KRTAP19-3: variants seen among roughly 807,000 people sequenced by gnomAD.
KRTAP19-3 encodes the protein keratin associated protein 19-3.
For synonymous variants in KRTAP19-3, 37 were observed against 41.9 expected (o/e 0.88, Z 0.45); for missense variants, 106 against 101.6 (o/e 1.04, Z -0.19).
rs749248768 is a variant in KRTAP19-3 at position 30,491,759 on chromosome 21, A to G, written c.199T>C (p.Tyr67His). The change falls in exon 1 of 1, where the codon TAC becomes CAC. Residue 67 changes from tyrosine to histidine, a missense_variant. Physicochemically the swap from Tyr to His is moderately conservative, Grantham distance 83. Transcript: ENST00000334063. ...SGFGGYGYGC[Y>H]RPSYYGGYGF... The stretch of plus-strand genomic sequence containing the variant: ...TATCCTCCATAGTATGATGGGCGGT[A>G]GCAGCCATATCCGTAGCCTCCGAAG... 33 of 1,614,170 alleles carry G rather than the reference A, an allele frequency of 2.0e-5. No homozygotes were observed. In the East Asian group the frequency reaches 6.5e-4, roughly 32 times the overall value.
In KRTAP19-3 at chr21:30,491,837, A is replaced by G; in HGVS notation, c.121T>C (p.Tyr41His). 4 of 1,614,154 alleles carry G rather than the reference A, an allele frequency of 2.5e-6. No homozygotes were observed. Among genetic ancestry groups the G allele is most frequent in the Non-Finnish European group, 3.4e-6 (4 of 1,180,040 alleles). ...CCAGAGCCATATCCGTAGCCTCCAT[A>G]GCCACAGCCAGAACCCAGTCTGCGG... ...SFRRLGSGCG[Y>H]GGYGYGSGFG... The change falls in exon 1 of 1, where the codon TAT becomes CAT. Residue 41 changes from tyrosine to histidine, a missense_variant. Coordinates refer to ENST00000334063, the MANE Select transcript of KRTAP19-3 (RefSeq NM_181609.4).
chr21:30,491,874 T>TCCACAG lies in KRTAP19-3; in HGVS notation c.78_83dup (p.Cys29_Gly30dup). On this transcript the variant is annotated inframe_insertion, in exon 1 of 1. Transcript: ENST00000334063. ...AACCCAGTCTGCGGAAGCTGCCACATCCACAGCCATAGCCATAGCCCAGGC... is the reference window on the plus strand; with the variant it reads ...AACCCAGTCTGCGGAAGCTGCCACATCCACAGCCACAGCCATAGCCATAGCCCAGGC... The TCCACAG allele has an allele frequency of 6.2e-7, 1 of 1,614,078 alleles. No individual in the cohort carries two copies. Among genetic ancestry groups the TCCACAG allele is most frequent in the Non-Finnish European group, 8.5e-7 (1 of 1,180,014 alleles).
rs1985977535 is a variant in KRTAP19-3, at chr21:30,491,743, T to C, written c.215A>G (p.Tyr72Cys). Residue 72 changes from tyrosine (Y) to cysteine (C), a missense_variant, in exon 1 of 1, where the codon TAT (tyrosine) becomes TGT (cysteine). Physicochemically the swap from Tyr to Cys is radical, Grantham distance 194 (BLOSUM62 -2). Coordinates refer to ENST00000334063, the MANE Select transcript of KRTAP19-3 (RefSeq NM_181609.4). ...GAATCCAGAGAATCCATATCCTCCA[T>C]AGTATGATGGGCGGTAGCAGCCATA... is the stretch of plus-strand genomic sequence containing the variant. ...YGYGCYRPSY[Y>C]GGYGFSGFY 1 of 1,614,020 alleles carries C rather than the reference T, an allele frequency of 6.2e-7. No individual in the cohort carries two copies. The highest frequency in any genetic ancestry group is 1.3e-5 in the African/African-American group (1 of 74,908).
Position 30,491,979 on chromosome 21 carries a change from G to T in KRTAP19-3, c.-22C>A. 6.2e-7 allele frequency: 1 copy of T among 1,613,714 alleles called. No individual in the cohort carries two copies. The highest frequency in any genetic ancestry group is 8.5e-7 in the Non-Finnish European group (1 of 1,179,662). ...TCATGGTGTCAGGGGTAGTGAGTTT[G>T]GTTTGCTGCTCAAGGCAAGGTCCTG... On this transcript the variant is annotated 5_prime_UTR_variant, in exon 1 of 1. Transcript: ENST00000334063.
the KRTAP19-3 span, chr21:30,491,796 TC>T: frequency 1.5e-3 from 2,400 of 1,613,912 alleles, 1 homozygote; most frequent in Non-Finnish European, 1.7e-3. Flanking sequence ...CAGAGCCATA[TC>T]CATAGCCTCC....
chr21:30,491,639 T>C lies in KRTAP19-3; in HGVS notation c.*73A>G, dbSNP rs1985974042. ...GCAAATAGCTCCAGCATGATCTTTG[T>C]TGTCCAATGATTGAAGTCAGCTCTG... is the stretch of plus-strand genomic sequence containing the variant. On this transcript the variant is annotated 3_prime_UTR_variant, in exon 1 of 1. Coordinates refer to ENST00000334063, the MANE Select transcript of KRTAP19-3 (RefSeq NM_181609.4). The C allele has an allele frequency of 6.3e-7, 1 of 1,597,436 alleles. No individual in the cohort carries two copies. Among genetic ancestry groups the C allele is most frequent in the Non-Finnish European group, 8.5e-7 (1 of 1,169,598 alleles).
chr21:30,491,664 G>A lies in KRTAP19-3; in HGVS notation c.*48C>T, dbSNP rs2123491067. 1.2e-6 allele frequency: 2 copies of A among 1,609,692 alleles called. No homozygotes were observed. The highest frequency in any genetic ancestry group is 8.5e-7 in the Non-Finnish European group (1 of 1,176,488). On this transcript the variant is annotated 3_prime_UTR_variant, in exon 1 of 1. Transcript: ENST00000334063. ...TTGTCCAATGATTGAAGTCAGCTCT[G>A]GGAAAGTCCTCTTATAATTTCACAC... is the stretch of plus-strand genomic sequence containing the variant.
chr21:30,491,751 T>G lies in KRTAP19-3; in HGVS notation c.207A>C (p.Pro69=), dbSNP rs147132182. The G allele has an allele frequency of 9.3e-6, 15 of 1,614,066 alleles. No individual in the cohort carries two copies. The Admixed American group carries it at 2.2e-4, about 23-fold the overall frequency. Residue 69 remains proline, a synonymous_variant, in exon 1 of 1, where the codon CCA becomes CCC. Transcript: ENST00000334063. ...AGAATCCATATCCTCCATAGTATGA[T>G]GGGCGGTAGCAGCCATATCCGTAGC... The part of the protein sequence containing the change: ...FGGYGYGCYR[P]SYYGGYGFSG...
Position 30,491,577 on chromosome 21 carries a change from A to C in KRTAP19-3, c.*135T>G, listed in dbSNP as rs1213772944. 2.0e-6 allele frequency: 3 copies of C among 1,468,518 alleles called. No homozygotes were observed. The African/African-American group carries it at 4.2e-5, about 21-fold the overall frequency. The allele number at this position is 1,468,518 out of a possible 1,614,324, so 91.0% of individuals were successfully genotyped here. A position where few individuals can be genotyped will look rare whatever the true frequency, so the allele number is the denominator to read the frequency against. ...AGAGATGTGGGTATACAGAGAAAAA[A>C]AATTGCCTGAAATTCTGAGATGTTA... is the stretch of plus-strand genomic sequence containing the variant. On this transcript the variant is annotated 3_prime_UTR_variant, in exon 1 of 1. Coordinates refer to ENST00000334063, the MANE Select transcript of KRTAP19-3 (RefSeq NM_181609.4).
Position 30,491,561 on chromosome 21 carries a change from G to T in KRTAP19-3, c.*151C>A. 4 of 1,223,148 alleles carry T rather than the reference G, an allele frequency of 3.3e-6. No homozygotes were observed. The highest frequency in any genetic ancestry group is 4.7e-5 in the East Asian group (2 of 42,792). The allele number at this position is 1,223,148 out of a possible 1,614,324, so 75.8% of individuals were successfully genotyped here. On this transcript the variant is annotated 3_prime_UTR_variant, in exon 1 of 1. Transcript: ENST00000334063. ...ATACTAGGATTATTATAGAGATGTG[G>T]GTATACAGAGAAAAAAAATTGCCTG... is the stretch of plus-strand genomic sequence containing the variant.
Position 30,491,672 on chromosome 21 carries a change from C to A in KRTAP19-3, c.*40G>T. On this transcript the variant is annotated 3_prime_UTR_variant, in exon 1 of 1. Coordinates refer to ENST00000334063, the MANE Select transcript of KRTAP19-3 (RefSeq NM_181609.4). Reference sequence around the variant, plus strand: ...TGATTGAAGTCAGCTCTGGGAAAGTCCTCTTATAATTTCACACATTGTGTT... The same window carrying A: ...TGATTGAAGTCAGCTCTGGGAAAGTACTCTTATAATTTCACACATTGTGTT... 1.2e-6 allele frequency: 2 copies of A among 1,611,230 alleles called. No individual in the cohort carries two copies. The highest frequency in any genetic ancestry group is 4.5e-5 in the East Asian group (2 of 44,826).
At position 30,491,926 on chromosome 21, in the gene KRTAP19-3, A is replaced by T; in HGVS notation, c.32T>A (p.Leu11Gln). 1 of 1,614,184 alleles carries T rather than the reference A, an allele frequency of 6.2e-7. No individual in the cohort carries two copies. Among genetic ancestry groups the T allele is most frequent in the Non-Finnish European group, 8.5e-7 (1 of 1,180,032 alleles). MSYYGSYYGGLGYGCGGFGGL... is the reference protein window; with the variant it reads MSYYGSYYGGQGYGCGGFGGL... ...ACCAAAGCCTCCACAGCCATAGCCCAGGCCTCCATAGTAGCTGCCGTAGTA... is the reference window on the plus strand; with the variant it reads ...ACCAAAGCCTCCACAGCCATAGCCCTGGCCTCCATAGTAGCTGCCGTAGTA... The change falls in exon 1 of 1, where the codon CTG becomes CAG. Residue 11 changes from leucine (L) to glutamine (Q), a missense_variant. Leu to Gln is a moderately radical substitution (Grantham distance 113). Coordinates refer to ENST00000334063, the MANE Select transcript of KRTAP19-3 (RefSeq NM_181609.4).
chr21:30,491,995 C>T lies in KRTAP19-3; in HGVS notation c.-38G>A. 6.2e-7 allele frequency: 1 copy of T among 1,613,310 alleles called. No homozygotes were observed. Among genetic ancestry groups the T allele is most frequent in the African/African-American group, 1.3e-5 (1 of 75,046 alleles). The stretch of plus-strand genomic sequence containing the variant: ...AGTGAGTTTGGTTTGCTGCTCAAGG[C>T]AAGGTCCTGAGTGTGAATGTTGACA... On this transcript the variant is annotated 5_prime_UTR_variant, in exon 1 of 1. Transcript: ENST00000334063.
rs1985985875 is a variant in KRTAP19-3 at position 30,491,903 on chromosome 21, C to G, written c.55G>C (p.Gly19Arg). The G allele has an allele frequency of 9.9e-6, 16 of 1,613,976 alleles. No individual in the cohort carries two copies. In the East Asian group the frequency reaches 3.6e-4, roughly 36 times the overall value. Residue 19 changes from glycine to arginine, a missense_variant, in exon 1 of 1, where the codon GGT becomes CGT. Physicochemically the swap from Gly to Arg is moderately radical, Grantham distance 125. Transcript: ENST00000334063. ...GGLGYGCGGF[G>R]GLGYGYGCGC... ...CAGCCATAGCCATAGCCCAGGCCAC[C>G]AAAGCCTCCACAGCCATAGCCCAGG... is the stretch of plus-strand genomic sequence containing the variant.
Position 30,491,616 on chromosome 21 carries a change from A to G in KRTAP19-3, c.*96T>C. ...TCTGAGATGTTAAATTCTTTTGTGCAAATAGCTCCAGCATGATCTTTGTTG... is the reference window on the plus strand; with the variant it reads ...TCTGAGATGTTAAATTCTTTTGTGCGAATAGCTCCAGCATGATCTTTGTTG... On this transcript the variant is annotated 3_prime_UTR_variant, in exon 1 of 1. Coordinates refer to ENST00000334063, the MANE Select transcript of KRTAP19-3 (RefSeq NM_181609.4). The G allele has an allele frequency of 6.4e-7, 1 of 1,564,056 alleles. No homozygotes were observed. Among genetic ancestry groups the G allele is most frequent in the Non-Finnish European group, 8.7e-7 (1 of 1,154,544 alleles).
Position 30,491,957 on chromosome 21 carries a change from TGGTGTCAGGG to T in KRTAP19-3, c.-10_-1del. The stretch of plus-strand genomic sequence containing the variant: ...CCATAGTAGCTGCCGTAGTAGCTCA[TGGTGTCAGGG>T]GTAGTGAGTTTGGTTTGCTGCTCAA... On this transcript the variant is annotated 5_prime_UTR_variant, in exon 1 of 1. Coordinates refer to ENST00000334063, the MANE Select transcript of KRTAP19-3 (RefSeq NM_181609.4). 6.2e-7 allele frequency: 1 copy of T among 1,614,198 alleles called. No homozygotes were observed. The highest frequency in any genetic ancestry group is 8.5e-7 in the Non-Finnish European group (1 of 1,180,026).
In KRTAP19-3 at chr21:30,491,870, C is replaced by T; in HGVS notation, c.88G>A (p.Gly30Ser). The change falls in exon 1 of 1, where the codon GGC becomes AGC. Residue 30 changes from glycine (G) to serine (S), a missense_variant. Transcript: ENST00000334063. ...CCAGAACCCAGTCTGCGGAAGCTGC[C>T]ACATCCACAGCCATAGCCATAGCCC... is the stretch of plus-strand genomic sequence containing the variant. Reference protein sequence around the residue: ...GLGYGYGCGCGSFRRLGSGCG... With the variant: ...GLGYGYGCGCSSFRRLGSGCG... 6.2e-7 allele frequency: 1 copy of T among 1,614,146 alleles called. No homozygotes were observed. Among genetic ancestry groups the T allele is most frequent in the Non-Finnish European group, 8.5e-7 (1 of 1,180,028 alleles).
chr21:30,492,001 C>A lies in KRTAP19-3; in HGVS notation c.-44G>T, dbSNP rs1194367850. ...TTTGGTTTGCTGCTCAAGGCAAGGTCCTGAGTGTGAATGTTGACATCTGTG... is the reference window on the plus strand; with the variant it reads ...TTTGGTTTGCTGCTCAAGGCAAGGTACTGAGTGTGAATGTTGACATCTGTG... On this transcript the variant is annotated 5_prime_UTR_variant, in exon 1 of 1. Coordinates refer to ENST00000334063, the MANE Select transcript of KRTAP19-3 (RefSeq NM_181609.4). 6.2e-7 allele frequency: 1 copy of A among 1,612,266 alleles called. No homozygotes were observed. The highest frequency in any genetic ancestry group is 1.1e-5 in the South Asian group (1 of 91,070).
In KRTAP19-3 at chr21:30,491,866, C is replaced by A; in HGVS notation, c.92G>T (p.Ser31Ile). 1.2e-6 allele frequency: 2 copies of A among 1,614,194 alleles called. No individual in the cohort carries two copies. Among genetic ancestry groups the A allele is most frequent in the African/African-American group, 1.3e-5 (1 of 75,046 alleles). Reference protein sequence around the residue: ...LGYGYGCGCGSFRRLGSGCGY... With the variant: ...LGYGYGCGCGIFRRLGSGCGY... ...ACAGCCAGAACCCAGTCTGCGGAAGCTGCCACATCCACAGCCATAGCCATA... is the reference window on the plus strand; with the variant it reads ...ACAGCCAGAACCCAGTCTGCGGAAGATGCCACATCCACAGCCATAGCCATA... Residue 31 changes from serine to isoleucine, a missense_variant, in exon 1 of 1, where the codon AGC becomes ATC. Transcript: ENST00000334063.
Sources: gnomAD v4.1 joint callset for allele counts on GRCh38, gnomAD v4.1.1 for gene constraint, MANE v1.5 for transcripts, NCBI Gene and HGNC (gene_info 2026-07-23, HGNC 2026-07-21) for gene names.